Variants in PLCB4 observed in about 807,000 individuals in gnomAD.
The protein encoded by PLCB4 is phospholipase C beta 4.
PLCB4 carries 77 observed loss-of-function variants against 178.8 expected under a neutral mutation model. The ratio of observed to expected loss-of-function variants is 0.43; its 90% CI spans 0.36 to 0.52. PLCB4 has a LOEUF of 0.52. Ranked by LOEUF, PLCB4 falls within the 20% of genes least tolerant of loss-of-function variation. PLCB4 has a pLI of 0.00. For missense variants in PLCB4, 1,024 were observed against 1,453.4 expected, an observed-to-expected ratio of 0.70 and a Z score of 4.80; for synonymous variants, 496 against 490.8, an observed-to-expected ratio of 1.01 and a Z score of -0.14.
chr20:9,155,822 A>G (rs2092778081), intron 2 of PLCB4, among the ~76,000 whole-genome samples: 2 of 152,168 alleles, frequency 1.3e-5, no homozygotes, highest in South Asian at 2.1e-4. Flanking sequence ...GACATGTGGC[A>G]TAAACATAAC....
chr20:9,098,623 T>TA (rs1451791601), intron 2 of PLCB4, among the ~76,000 whole-genome samples: 1 of 151,050 alleles, frequency 6.6e-6, no homozygotes, highest in East Asian at 2.0e-4. Context: ...AATAGTCTCA[T>TA]ATATATATAC....
chr20:9,081,397 A>G (rs1263233354), intron 1 of PLCB4, among the ~76,000 whole-genome samples: 1 of 152,212 alleles, frequency 6.6e-6, no homozygotes, highest in Non-Finnish European at 1.5e-5. Context: ...CATCACCTAT[A>G]CTAGGCTGTG....
intron 2 of PLCB4, among the ~76,000 whole-genome samples, chr20:9,176,598 C>G (rs2093159224): frequency 6.6e-6 from 1 of 152,090 alleles, no homozygotes; most frequent in East Asian, 1.9e-4. Flanking sequence ...TACACACAAA[C>G]AGGGAAATGT....
intron 38 of PLCB4, among the ~76,000 whole-genome samples, chr20:9,474,701 A>C (rs571782889): frequency 1.3e-5 from 2 of 149,104 alleles, no homozygotes; most frequent in Non-Finnish European, 3.0e-5. Flanking sequence ...AAAATAAAAT[A>C]AAATCTTTTT....
intron 7 of PLCB4, among the ~76,000 whole-genome samples, chr20:9,355,082 A>T (rs2034676598): frequency 6.6e-6 from 1 of 152,160 alleles, no homozygotes; most frequent in South Asian, 2.1e-4. Flanking sequence ...GGTGATTCTA[A>T]TGTACCACAG....
At chr20:9,262,775 T>G (rs956890752) in intron 3 of PLCB4, among the ~76,000 whole-genome samples, 14 of 151,564 alleles carry the variant, frequency 9.2e-5, no homozygotes, top group African/African-American at 2.9e-4. Context: ...AGATGTGTTC[T>G]CTGATGAAAA....
intron 30 of PLCB4, among the ~76,000 whole-genome samples, chr20:9,438,365 TAAAA>T: frequency 8.3e-6 from 1 of 119,998 alleles, no homozygotes; most frequent in East Asian, 2.2e-4. Context: ...GACTATATCT[TAAAA>T]AAAAAAAAAA....
At chr20:9,345,195 A>C (rs2033668480) in intron 7 of PLCB4, among the ~76,000 whole-genome samples, 1 of 152,188 alleles carries the variant, frequency 6.6e-6, no homozygotes, top group Non-Finnish European at 1.5e-5. Flanking sequence ...ATCTCAAAAA[A>C]AGAATAAATA....
In PLCB4 at chr20:9,455,847, G is replaced by A. The variant is rs750337022; in HGVS notation, c.2997-1567G>A. ...TCATTAATATTCACCATGATATCAA[G>A]GTTGCCTGGACTTAGTCTTGCTATG... On this transcript the variant is annotated intron_variant, in intron 33 of 39. Coordinates refer to ENST00000378473, the MANE Select transcript of PLCB4 (RefSeq NM_001377142.1). Among the ~76,000 whole-genome samples the A allele has an allele frequency of 7.6e-4, 115 of 152,132 alleles. 3 individuals are homozygous for A. Among genetic ancestry groups the A allele is most frequent in the Non-Finnish European group, 5.0e-4 (34 of 68,022 alleles).
At chr20:9,329,137 G>T (rs1372105669) in intron 4 of PLCB4, among the ~76,000 whole-genome samples, 1 of 152,136 alleles carries the variant, frequency 6.6e-6, no homozygotes, top group African/African-American at 2.4e-5. Context: ...AGGGAAGATG[G>T]AGCCTCCGTG....
intron 2 of PLCB4, among the ~76,000 whole-genome samples, chr20:9,183,364 G>C (rs576187500): frequency 2.6e-5 from 4 of 152,256 alleles, no homozygotes; most frequent in Middle Eastern, 3.4e-3. Context: ...GGCTGGTGAG[G>C]CTTCTCCAGA....
intron 1 of PLCB4, among the ~76,000 whole-genome samples, chr20:9,089,929 T>A (rs2146563352): frequency 6.6e-6 from 1 of 152,282 alleles, no homozygotes; most frequent in South Asian, 2.1e-4. Context: ...AGGGAGATGC[T>A]TTTGTCCTAC....
intron 12 of PLCB4, among the ~76,000 whole-genome samples, chr20:9,378,819 C>G (rs1315563612): frequency 6.6e-6 from 1 of 151,938 alleles, no homozygotes; most frequent in Non-Finnish European, 1.5e-5. Flanking sequence ...AAGGCTGGGC[C>G]CCATATGCAT....
At chr20:9,163,498 C>T (rs1054238070) in intron 2 of PLCB4, among the ~76,000 whole-genome samples, 2 of 151,410 alleles carry the variant, frequency 1.3e-5, no homozygotes, top group East Asian at 1.9e-4. Context: ...ACTTGTTCCT[C>T]TTTTGATGTT....
At chr20:9,454,344 C>G (rs1260688020) in intron 33 of PLCB4, among the ~76,000 whole-genome samples, 1 of 152,174 alleles carries the variant, frequency 6.6e-6, no homozygotes, top group East Asian at 1.9e-4. Flanking sequence ...TGTCAGATTA[C>G]TTTTTTCCCT....
At chr20:9,340,915 G>T (rs1467980528) in intron 7 of PLCB4, among the ~76,000 whole-genome samples, 1 of 152,106 alleles carries the variant, frequency 6.6e-6, no homozygotes, top group African/African-American at 2.4e-5. Flanking sequence ...TAGCTATTAG[G>T]ATGACAGAGG....
intron 2 of PLCB4, among the ~76,000 whole-genome samples, chr20:9,199,127 A>G (rs552677196): frequency 1.3e-5 from 2 of 151,756 alleles, no homozygotes; most frequent in Admixed American, 1.3e-4. Flanking sequence ...ATGTTGAAGT[A>G]CTTTTAAAAG....
intron 2 of PLCB4, among the ~76,000 whole-genome samples, chr20:9,179,661 T>A (rs2093213614): frequency 6.6e-6 from 1 of 152,228 alleles, no homozygotes; most frequent in African/African-American, 2.4e-5. Context: ...GATACTGAGT[T>A]AAGTATGCCA....
At chr20:9,459,994 C>T (rs922174148) in intron 35 of PLCB4, among the ~76,000 whole-genome samples, 184 bp downstream of exon 35, 8 of 152,120 alleles carry the variant, frequency 5.3e-5, no homozygotes, top group Admixed American at 3.3e-4. Flanking sequence ...CACCCAGGGG[C>T]CAGGTGCAGT....
Sources: allele counts gnomAD v4.1 joint callset (sites outside exome capture counted in the v4.1 genomes callset), GRCh38; gene constraint gnomAD v4.1.1; transcripts MANE v1.5; gene names NCBI Gene and HGNC (gene_info 2026-07-23, HGNC 2026-07-21).